Variants in MTA1 observed in about 807,000 individuals in gnomAD.
MTA1 encodes metastasis-associated protein MTA1.
A neutral mutation model predicts 97.0 loss-of-function variants in MTA1; 15 were observed. The ratio of observed to expected loss-of-function variants is 0.15; its 90% CI spans 0.10 to 0.24. The LOEUF is 0.24. Ranked by LOEUF, MTA1 falls within the 10% of genes least tolerant of loss-of-function variation. MTA1 has a pLI of 1.00. For synonymous variants in MTA1, 435 were observed against 417.5 expected (o/e 1.04, Z -0.51); for missense variants, 709 against 1,015.1 (o/e 0.70, Z 4.10).
At chr14:105,462,752 C>G (rs1595405444) in intron 10 of MTA1, among the ~76,000 whole-genome samples, 2 of 152,134 alleles carry the variant, frequency 1.3e-5, no homozygotes, top group East Asian at 3.9e-4. Context: ...GCCTGTAGTC[C>G]CAGCTACTCA....
chr14:105,468,931 G>A (rs2083710343), intron 18 of MTA1: 4 of 316,584 alleles, frequency 1.3e-5, no homozygotes, highest in South Asian at 9.6e-5. Context: ...TGGGAAGTCA[G>A]AGGCCTCTGG....
chr14:105,430,739 T>C (rs1394985345), intron 1 of MTA1, among the ~76,000 whole-genome samples: 1 of 152,226 alleles, frequency 6.6e-6, no homozygotes, highest in Non-Finnish European at 1.5e-5. Flanking sequence ...ACTGGCCCGC[T>C]GCCTGTTTTT....
chr14:105,448,444 G>A (rs1179575182), intron 3 of MTA1, among the ~76,000 whole-genome samples: 1 of 152,190 alleles, frequency 6.6e-6, no homozygotes, highest in Non-Finnish European at 1.5e-5. Context: ...GTCAGTGCTC[G>A]GATGGGGCCT....
intron 1 of MTA1, among the ~76,000 whole-genome samples, chr14:105,432,144 C>A (rs1555423495): frequency 6.6e-6 from 1 of 152,190 alleles, no homozygotes; most frequent in African/African-American, 2.4e-5. Flanking sequence ...AGCCCCTGTG[C>A]CTGGCCTAAA....
At chr14:105,438,453 C>T (rs2082397233) in intron 1 of MTA1, among the ~76,000 whole-genome samples, 1 of 152,204 alleles carries the variant, frequency 6.6e-6, no homozygotes, top group Admixed American at 6.5e-5. Flanking sequence ...CCAGATGCAT[C>T]TCCCTGTCCC....
Position 105,465,077 on chromosome 14 carries a change from CGT to C in MTA1, c.1535-13_1535-12del. The C allele has an allele frequency of 6.7e-7, 1 of 1,496,818 alleles. No individual in the cohort carries two copies. The highest frequency in any genetic ancestry group is 8.9e-7 in the Non-Finnish European group (1 of 1,117,350). 92.7% of individuals were successfully genotyped at this position (1,496,818 alleles called of 1,614,324 possible). ...CCTGGGGGTGCCCCACCCCTCACACCGTGTGGTACCCCGCAGGCACGGCGCGG... is the reference window on the plus strand; with the variant it reads ...CCTGGGGGTGCCCCACCCCTCACACCGTGGTACCCCGCAGGCACGGCGCGG... On this transcript the variant is annotated splice_polypyrimidine_tract_variant and intron_variant, in intron 15 of 20. Coordinates refer to ENST00000331320, the MANE Select transcript of MTA1 (RefSeq NM_004689.4).
rs2083787005 is a variant in MTA1, at chr14:105,470,283, G to GCCGC, written c.*75_*78dup. 4 of 1,158,220 alleles carry GCCGC rather than the reference G, an allele frequency of 3.5e-6. No homozygotes were observed. Among genetic ancestry groups the GCCGC allele is most frequent in the Non-Finnish European group, 2.1e-6 (2 of 943,080 alleles). 71.7% of individuals were successfully genotyped at this position (1,158,220 alleles called of 1,614,324 possible). ...CACACGGCCCCTTCCCAGCCAGCCC[G>GCCGC]CCGCCCGCCCCTCAGTTTGGTAGTG... On this transcript the variant is annotated 3_prime_UTR_variant, in exon 21 of 21. Coordinates refer to ENST00000331320, the MANE Select transcript of MTA1 (RefSeq NM_004689.4).
rs139799654 is a variant in MTA1, at chr14:105,450,520, G to A, written c.432+196G>A. Reference sequence around the variant, plus strand: ...TGGTGTGTGGCCGCCCCCACCCTACGCGTCCAGAGTTGTGGGCCAGGAGCT... The same window carrying A: ...TGGTGTGTGGCCGCCCCCACCCTACACGTCCAGAGTTGTGGGCCAGGAGCT... On this transcript the variant is annotated intron_variant, in intron 6 of 20. Transcript: ENST00000331320. 2.7e-3 allele frequency among the ~76,000 whole-genome samples: 413 copies of A among 152,256 alleles called. 4 individuals carry two copies. Among genetic ancestry groups the A allele is most frequent in the African/African-American group, 9.2e-3 (383 of 41,552 alleles).
chr14:105,468,481 G>A (rs928219037), intron 18 of MTA1: 24 of 884,270 alleles, frequency 2.7e-5, no homozygotes, highest in Admixed American at 1.7e-4. Flanking sequence ...GACCCTGCCC[G>A]GCAGAGCTAA....
Position 105,466,426 on chromosome 14 carries a change from A to AGGGGGGGGGCGG in MTA1, c.1626_1627insGGGGGGGGCGGG (p.Glu542_Thr543insGlyGlyGlyGly). 2 of 1,484,226 alleles carry AGGGGGGGGGCGG rather than the reference A, an allele frequency of 1.3e-6. No individual in the cohort carries two copies. The highest frequency in any genetic ancestry group is 1.1e-5 in the South Asian group (1 of 87,582). 91.9% of individuals were successfully genotyped at this position (1,484,226 alleles called of 1,614,324 possible). A position where few individuals can be genotyped will look rare whatever the true frequency, so the allele number is the denominator to read the frequency against. On this transcript the variant is annotated inframe_insertion and splice_region_variant, in exon 17 of 21. Coordinates refer to ENST00000331320, the MANE Select transcript of MTA1 (RefSeq NM_004689.4). The stretch of plus-strand genomic sequence containing the variant: ...GTTCTGCCTGTGTCATTCCCGGCAG[A>AGGGGGGGGGCGG]GACCCACCCCCGCCCCCCCAAGCCT...
At chr14:105,442,472 G>A (rs1555426013) in intron 2 of MTA1, among the ~76,000 whole-genome samples, 1 of 152,264 alleles carries the variant, frequency 6.6e-6, no homozygotes, top group African/African-American at 2.4e-5. Flanking sequence ...CTCTTTGGGA[G>A]CTCTGCTGCC....
intron 2 of MTA1, among the ~76,000 whole-genome samples, chr14:105,445,013 G>A (rs1330311492): frequency 6.6e-6 from 1 of 152,176 alleles, no homozygotes; most frequent in Admixed American, 6.5e-5. Flanking sequence ...GGCTGCGTCC[G>A]CCGCTAGGGC....
intron 6 of MTA1, 149 bp from the exon 7 acceptor site, chr14:105,454,044 C>T (rs1285709838): frequency 5.3e-6 from 3 of 567,950 alleles, no homozygotes; most frequent in Non-Finnish European, 9.6e-6. Flanking sequence ...TGTGGGGGCT[C>T]CTGCGCCCTC....
chr14:105,448,697 ATAGGGCCGGCCCAG>A (rs1555427838), intron 3 of MTA1, among the ~76,000 whole-genome samples: 1 of 78,266 alleles, frequency 1.3e-5, no homozygotes, highest in African/African-American at 3.1e-5. Flanking sequence ...TGAGGCCCAG[ATAGGGCCGGCCCAG>A]AACAGGCCCA....
rs782559705 is a variant in MTA1, at chr14:105,450,191, C to T, written c.368+7C>T. The stretch of plus-strand genomic sequence containing the variant: ...TGCCCGCCACGCACATCAGGTAGCC[C>T]CCAGCAGCTCCCGCCCTGGGCCCCT... On this transcript the variant is annotated splice_region_variant and intron_variant, in intron 5 of 20. Transcript: ENST00000331320. The T allele has an allele frequency of 6.2e-7, 1 of 1,612,768 alleles. No homozygotes were observed. Among genetic ancestry groups the T allele is most frequent in the East Asian group, 2.2e-5 (1 of 44,856 alleles).
chr14:105,469,612 C>G lies in MTA1; in HGVS notation c.1845+114C>G. 9 of 1,335,524 alleles carry G rather than the reference C, an allele frequency of 6.7e-6. No homozygotes were observed. In the South Asian group the frequency reaches 7.5e-5, roughly 11 times the overall value. 82.7% of individuals were successfully genotyped at this position (1,335,524 alleles called of 1,614,324 possible). On this transcript the variant is annotated intron_variant, in intron 19 of 20. Coordinates refer to ENST00000331320, the MANE Select transcript of MTA1 (RefSeq NM_004689.4). Reference sequence around the variant, plus strand: ...TGCCACGTGGAAGCTTCCAGGAGGCCTGGCAAGACCAGAGGGGCTGCAGCA... The same window carrying G: ...TGCCACGTGGAAGCTTCCAGGAGGCGTGGCAAGACCAGAGGGGCTGCAGCA...
intron 8 of MTA1, 82 bp downstream of exon 8, chr14:105,458,454 C>T (rs1048101142): frequency 4.9e-6 from 6 of 1,221,928 alleles, no homozygotes; most frequent in Admixed American, 1.9e-5. Flanking sequence ...GTGTTGGGGA[C>T]GTGACAGTCT....
At chr14:105,439,501 A>C (rs1216285406) in intron 2 of MTA1, among the ~76,000 whole-genome samples, 1 of 152,148 alleles carries the variant, frequency 6.6e-6, no homozygotes, top group Non-Finnish European at 1.5e-5. Context: ...AGAGCCGTAG[A>C]TGGCCATGGA....
rs1250810173 is a variant in MTA1, at chr14:105,470,290, G to GCCCCTC, written c.*76_*81dup. On this transcript the variant is annotated 3_prime_UTR_variant, in exon 21 of 21. Transcript: ENST00000331320. ...CCCCTTCCCAGCCAGCCCGCCGCCC[G>GCCCCTC]CCCCTCAGTTTGGTAGTGCCCCACC... 2.6e-6 allele frequency: 3 copies of GCCCCTC among 1,158,706 alleles called. 1 individual carries two copies. In the African/African-American group the frequency reaches 9.2e-5, roughly 36 times the overall value. 71.8% of individuals were successfully genotyped at this position (1,158,706 alleles called of 1,614,324 possible). A position where few individuals can be genotyped will look rare whatever the true frequency, so the allele number is the denominator to read the frequency against.
Sources: allele counts gnomAD v4.1 joint callset (sites outside exome capture counted in the v4.1 genomes callset), GRCh38; gene constraint gnomAD v4.1.1; transcripts MANE v1.5; gene names NCBI Gene and HGNC (gene_info 2026-07-23, HGNC 2026-07-21).